Variants in TCF7L2 observed in about 807,000 individuals in gnomAD.
The protein encoded by TCF7L2 is transcription factor 7-like 2.
A neutral mutation model predicts 77.9 loss-of-function variants in TCF7L2; 23 were observed. The observed-to-expected ratio is 0.30, with a 90% CI of 0.21 to 0.42. The LOEUF (loss-of-function observed/expected upper bound fraction) is 0.42. Ranked by LOEUF, TCF7L2 falls within the 10% of genes least tolerant of loss-of-function variation. The probability of loss-of-function intolerance (pLI) is 1.00; values close to 1 mark genes in which losing one functional copy is unlikely to be tolerated. For synonymous variants in TCF7L2, 413 were observed against 340.2 expected (o/e 1.21, Z -2.36); for missense variants, 654 against 793.1 (o/e 0.82, Z 2.11).
intron 4 of TCF7L2, among the ~76,000 whole-genome samples, chr10:112,999,098 C>T (rs942349047): frequency 3.9e-5 from 6 of 152,206 alleles, no homozygotes; most frequent in Non-Finnish European, 8.8e-5. Context: ...CCCACTGCAG[C>T]CTCCAACTCT....
chr10:113,052,285 T>G (rs1591039591), intron 5 of TCF7L2, among the ~76,000 whole-genome samples: 1 of 152,114 alleles, frequency 6.6e-6, no homozygotes, highest in East Asian at 1.9e-4. Flanking sequence ...AGGCTGTATG[T>G]GTCAGGGCCT....
At chr10:113,085,226 A>ATTT (rs397702488) in intron 5 of TCF7L2, among the ~76,000 whole-genome samples, 1 of 139,674 alleles carries the variant, frequency 7.2e-6, no homozygotes, top group East Asian at 2.1e-4. Flanking sequence ...ACATCTGGCT[A>ATTT]TTTTTTTTTT....
At position 112,950,624 on chromosome 10, in the gene TCF7L2, A is replaced by G. The variant is rs2030702830; in HGVS notation, c.-133A>G. On this transcript the variant is annotated 5_prime_UTR_variant, in exon 1 of 14. Transcript: ENST00000627217. ...AGGAGAAAAAGACCCCCAAGCAGAA[A>G]AAAGTTCACCTTGGACTCGTCTTTT... 2 of 1,057,448 alleles carry G rather than the reference A, an allele frequency of 1.9e-6. No homozygotes were observed. Among genetic ancestry groups the G allele is most frequent in the South Asian group, 1.7e-5 (1 of 58,506 alleles). The allele number at this position is 1,057,448 out of a possible 1,614,324, so 65.5% of individuals were successfully genotyped here. A position where few individuals can be genotyped will look rare whatever the true frequency, so the allele number is the denominator to read the frequency against.
intron 3 of TCF7L2, among the ~76,000 whole-genome samples, chr10:112,954,998 G>GT (rs1216769816): frequency 2.0e-5 from 3 of 152,194 alleles, no homozygotes; most frequent in Admixed American, 6.5e-5. Flanking sequence ...AAAAATGGAC[G>GT]TTTTTTCCTC....
rs1381169178 is a variant in TCF7L2 at position 113,166,711 on chromosome 10, A to G, written c.*739A>G. 4.3e-6 allele frequency: 1 copy of G among 230,018 alleles called. No individual in the cohort carries two copies. Among genetic ancestry groups the G allele is most frequent in the Non-Finnish European group, 8.6e-6 (1 of 116,110 alleles). 14.2% of individuals were successfully genotyped at this position (230,018 alleles called of 1,614,324 possible). On this transcript the variant is annotated 3_prime_UTR_variant, in exon 14 of 14. Coordinates refer to ENST00000627217, the MANE Select transcript of TCF7L2 (RefSeq NM_001146274.2). ...GTTTTCCTTTTTCTTGAAACTGTATAAAGTTTTTTTCCCCCTTAGCATAAG... is the reference window on the plus strand; with the variant it reads ...GTTTTCCTTTTTCTTGAAACTGTATGAAGTTTTTTTCCCCCTTAGCATAAG...
chr10:112,981,489 G>A (rs1169713545), intron 4 of TCF7L2, among the ~76,000 whole-genome samples: 1 of 152,118 alleles, frequency 6.6e-6, no homozygotes, highest in East Asian at 1.9e-4. Flanking sequence ...TGCTGATTGG[G>A]TTGGTACCTC....
At chr10:113,113,465 C>T (rs1422818408) in intron 5 of TCF7L2, among the ~76,000 whole-genome samples, 1 of 152,144 alleles carries the variant, frequency 6.6e-6, no homozygotes, top group Non-Finnish European at 1.5e-5. Context: ...GGATGAGCTG[C>T]CTGGGCTGGA....
At chr10:113,019,104 T>A (rs1033419813) in intron 4 of TCF7L2, among the ~76,000 whole-genome samples, 1 of 152,142 alleles carries the variant, frequency 6.6e-6, no homozygotes, top group African/African-American at 2.4e-5. Flanking sequence ...TGGTAGAGCA[T>A]CCTCACTCTT....
intron 7 of TCF7L2, among the ~76,000 whole-genome samples, chr10:113,144,276 C>T (rs112593616): frequency 5.9e-5 from 9 of 152,064 alleles, no homozygotes; most frequent in Admixed American, 4.6e-4. Context: ...TAGCATTCCG[C>T]GACCATGGTC....
chr10:112,966,184 T>TTATATTTATATATATATATATATA (rs1554876897), intron 4 of TCF7L2, among the ~76,000 whole-genome samples: 4 of 114,278 alleles, frequency 3.5e-5, no homozygotes, highest in Admixed American at 1.6e-4. Flanking sequence ...TAAAATATAT[T>TTATATTTATATATATATATATATA]TATATATATA....
intron 4 of TCF7L2, among the ~76,000 whole-genome samples, chr10:113,011,838 T>G (rs2046502245): frequency 6.6e-6 from 1 of 152,062 alleles, no homozygotes; most frequent in African/African-American, 2.4e-5. Flanking sequence ...CTCTTGAGTA[T>G]TACCACCTTG....
chr10:113,079,126 G>C (rs563252944), intron 5 of TCF7L2, among the ~76,000 whole-genome samples: 1 of 152,166 alleles, frequency 6.6e-6, no homozygotes, highest in South Asian at 2.1e-4. Flanking sequence ...GAGCCAGTGC[G>C]CTGGGCCAGC....
At chr10:113,160,821 T>G (rs1449224269) in intron 13 of TCF7L2, 1 of 829,770 alleles carries the variant, frequency 1.2e-6, no homozygotes, top group Non-Finnish European at 1.8e-6. Flanking sequence ...ATGATCCTCA[T>G]TCTTCAAAAT....
chr10:113,071,592 G>A (rs934831802), intron 5 of TCF7L2, among the ~76,000 whole-genome samples: 4 of 152,110 alleles, frequency 2.6e-5, no homozygotes, highest in Non-Finnish European at 5.9e-5. Context: ...TACCTTTTCC[G>A]TTCTGGGCAG....
At chr10:112,960,183 G>A (rs911774579) in intron 3 of TCF7L2, among the ~76,000 whole-genome samples, 4 of 152,102 alleles carry the variant, frequency 2.6e-5, no homozygotes, top group African/African-American at 9.7e-5. Flanking sequence ...AGATTCCTGT[G>A]GTTGAAAAAA....
At chr10:112,952,702 A>G (rs1446252394) in intron 3 of TCF7L2, among the ~76,000 whole-genome samples, 1 of 151,054 alleles carries the variant, frequency 6.6e-6, no homozygotes, top group African/African-American at 2.4e-5. Flanking sequence ...TGGGCCGCCG[A>G]TCGCCGGCCA....
chr10:113,074,863 T>C (rs752981679), intron 5 of TCF7L2, among the ~76,000 whole-genome samples: 15 of 152,164 alleles, frequency 9.9e-5, no homozygotes, highest in Non-Finnish European at 1.8e-4. Context: ...CATCATCTCA[T>C]GGGCACAGGG....
chr10:112,970,445 GAGA>G (rs766693598), intron 4 of TCF7L2, among the ~76,000 whole-genome samples: 1 of 151,752 alleles, frequency 6.6e-6, no homozygotes, highest in African/African-American at 2.4e-5. Flanking sequence ...GAGCCAAGGA[GAGA>G]AGAATACTAA....
chr10:113,109,108 CA>C (rs1591800114), intron 5 of TCF7L2, among the ~76,000 whole-genome samples: 1 of 152,152 alleles, frequency 6.6e-6, no homozygotes, highest in East Asian at 1.9e-4. Flanking sequence ...ATGTGTTGAT[CA>C]GAAAGGAGCG....
Sources: allele counts gnomAD v4.1 joint callset (sites outside exome capture counted in the v4.1 genomes callset), GRCh38; gene constraint gnomAD v4.1.1; transcripts MANE v1.5; gene names NCBI Gene and HGNC (gene_info 2026-07-23, HGNC 2026-07-21).